The following FRMD4A variants were observed in gnomAD, a reference collection of about 807,000 sequenced individuals.
FRMD4A encodes FERM domain containing 4A.
FRMD4A carries 29 observed loss-of-function variants against 129.1 expected under a neutral mutation model. The observed-to-expected ratio is 0.22, with a 90% CI of 0.17 to 0.31. The LOEUF (loss-of-function observed/expected upper bound fraction) is 0.31. Among genes scored for constraint, FRMD4A ranks in the 10% least tolerant of loss-of-function variants. The pLI, the probability that FRMD4A is intolerant of heterozygous loss-of-function variation, is 1.00. For missense variants in FRMD4A, 1,272 were observed against 1,375.8 expected (o/e 0.92, Z 1.19); for synonymous variants, 634 against 571.6 (o/e 1.11, Z -1.56).
intron 2 of FRMD4A, among the ~76,000 whole-genome samples, chr10:14,199,278 CTTATTTTATTTATTTAT>C (rs773782848): frequency 9.2e-4 from 129 of 139,610 alleles, no homozygotes; most frequent in African/African-American, 1.3e-3. Flanking sequence ...TTTTAAGTGT[CTTATTTTATTTATTTAT>C]TTATTTATTT....
intron 2 of FRMD4A, among the ~76,000 whole-genome samples, chr10:14,022,295 A>G (rs541173629): frequency 6.6e-6 from 1 of 152,332 alleles, no homozygotes; most frequent in South Asian, 2.1e-4. Context: ...ACAGGTCAAG[A>G]GGAAGCAGAA....
chr10:14,320,034 G>A (rs1051328148), intron 2 of FRMD4A, among the ~76,000 whole-genome samples: 6 of 152,012 alleles, frequency 3.9e-5, no homozygotes, highest in African/African-American at 1.5e-4. Flanking sequence ...CCTTCAGAAT[G>A]TTTCAGAATT....
chr10:14,167,965 C>G (rs921004563), intron 2 of FRMD4A, among the ~76,000 whole-genome samples: 2 of 152,138 alleles, frequency 1.3e-5, no homozygotes, highest in African/African-American at 4.8e-5. Flanking sequence ...AGTCCTCCAG[C>G]CTTTTGGCAC....
chr10:13,806,014 C>T (rs1478387646), intron 4 of FRMD4A, among the ~76,000 whole-genome samples: 1 of 152,108 alleles, frequency 6.6e-6, no homozygotes, highest in Non-Finnish European at 1.5e-5. Flanking sequence ...TGTACTACCA[C>T]ACCCATTTAA....
chr10:14,310,326 T>C (rs1846502043), intron 2 of FRMD4A, among the ~76,000 whole-genome samples: 1 of 152,226 alleles, frequency 6.6e-6, no homozygotes, highest in Non-Finnish European at 1.5e-5. Context: ...AGGCAACTAA[T>C]GATACAGGAG....
intron 3 of FRMD4A, among the ~76,000 whole-genome samples, chr10:13,843,187 A>G (rs2093993917): frequency 6.6e-6 from 1 of 152,150 alleles, no homozygotes; most frequent in African/African-American, 2.4e-5. Flanking sequence ...GCTGCATCGG[A>G]TTCTGGCTTC....
chr10:13,933,968 A>G (rs2095226352), intron 2 of FRMD4A, among the ~76,000 whole-genome samples: 1 of 152,220 alleles, frequency 6.6e-6, no homozygotes, highest in African/African-American at 2.4e-5. Flanking sequence ...ACAGCTCTAT[A>G]ACTATTATGC....
intron 2 of FRMD4A, among the ~76,000 whole-genome samples, chr10:13,953,193 C>T (rs1015095352): frequency 1.3e-5 from 2 of 152,144 alleles, no homozygotes; most frequent in Non-Finnish European, 2.9e-5. Flanking sequence ...GATGCTCTTC[C>T]CCTTGTGAAA....
chr10:14,044,803 A>G (rs192083620), intron 2 of FRMD4A, among the ~76,000 whole-genome samples: 8 of 152,350 alleles, frequency 5.3e-5, no homozygotes, highest in Non-Finnish European at 1.2e-4. Context: ...CATAACCTTC[A>G]TAGAACATTG....
rs533386792 is a variant in FRMD4A at position 13,660,343 on chromosome 10, T to C, written c.1871A>G (p.Lys624Arg). The C allele has an allele frequency of 5.0e-6, 8 of 1,613,700 alleles. No individual in the cohort carries two copies. The East Asian group carries it at 1.6e-4, about 31-fold the overall frequency. ...GGAATGGCTGTGAGAGGAGCGCTTC[T>C]TGACCTTCTCATAGGGTTCATCTAA... ...SSLDEPYEKVKKRSSHSHSSS... is the reference protein window; with the variant it reads ...SSLDEPYEKVRKRSSHSHSSS... The change falls in exon 20 of 25, where the codon AAG (lysine) becomes AGG (arginine). Residue 624 changes from lysine (K) to arginine (R), a missense_variant. By Grantham distance (26) the Lys-to-Arg change is conservative. Coordinates refer to ENST00000357447, the MANE Select transcript of FRMD4A (RefSeq NM_018027.5).
chr10:13,944,239 G>C (rs1183742966), intron 2 of FRMD4A, among the ~76,000 whole-genome samples: 1 of 152,052 alleles, frequency 6.6e-6, no homozygotes, highest in African/African-American at 2.4e-5. Flanking sequence ...TACCACCTGG[G>C]CTCCACCTCC....
At chr10:13,914,590 C>T (rs1450332008) in intron 2 of FRMD4A, among the ~76,000 whole-genome samples, 1 of 152,014 alleles carries the variant, frequency 6.6e-6, no homozygotes, top group African/African-American at 2.4e-5. Context: ...ATGACAAAAA[C>T]TTAGCTTAAA....
At chr10:13,809,852 C>T (rs186390382) in intron 4 of FRMD4A, among the ~76,000 whole-genome samples, 1 of 152,338 alleles carries the variant, frequency 6.6e-6, no homozygotes, top group East Asian at 1.9e-4. Context: ...GTCATAAGAC[C>T]ACCCCTTCCA....
chr10:13,671,262 T>C (rs982516826), intron 16 of FRMD4A, among the ~76,000 whole-genome samples: 1 of 152,166 alleles, frequency 6.6e-6, no homozygotes. Context: ...GAGACCAGCC[T>C]GGCCAACATG....
chr10:14,261,962 ACACACACACACACACACACAC>A (rs1844819068), intron 2 of FRMD4A, among the ~76,000 whole-genome samples: 1 of 123,608 alleles, frequency 8.1e-6, no homozygotes, highest in Non-Finnish European at 2.0e-5. Flanking sequence ...ACACACACAC[ACACACACACACACACACACAC>A]ACACCTCATT....
At chr10:14,261,986 ACCT>A (rs372048359) in intron 2 of FRMD4A, among the ~76,000 whole-genome samples, 6 of 139,218 alleles carry the variant, frequency 4.3e-5, no homozygotes, top group African/African-American at 1.6e-4. Context: ...ACACACACAC[ACCT>A]CATTTTCCCT....
intron 2 of FRMD4A, among the ~76,000 whole-genome samples, chr10:14,252,410 C>T (rs1283607775): frequency 6.6e-6 from 1 of 152,206 alleles, no homozygotes; most frequent in African/African-American, 2.4e-5. Context: ...TCATGGGCTA[C>T]ATTTAGATTT....
At chr10:13,749,669 CA>C (rs1271735020) in intron 8 of FRMD4A, among the ~76,000 whole-genome samples, 1 of 152,010 alleles carries the variant, frequency 6.6e-6, no homozygotes, top group Non-Finnish European at 1.5e-5. Flanking sequence ...AGAGCACTCC[CA>C]GAAAAAGCAT....
intron 2 of FRMD4A, among the ~76,000 whole-genome samples, chr10:14,025,615 C>T (rs921031226): frequency 1.3e-5 from 2 of 152,272 alleles, no homozygotes; most frequent in African/African-American, 4.8e-5. Context: ...CACTATTACA[C>T]CACCATCCAT....
Sources: allele counts gnomAD v4.1 joint callset (sites outside exome capture counted in the v4.1 genomes callset), GRCh38; gene constraint gnomAD v4.1.1; transcripts MANE v1.5; gene names NCBI Gene and HGNC (gene_info 2026-07-23, HGNC 2026-07-21).